Variants in TOX3 observed in about 807,000 individuals in gnomAD.
The protein encoded by TOX3 is CAG trinucleotide repeat-containing gene F9 protein.
Under a neutral mutation model 64.3 loss-of-function variants are expected in TOX3, and 22 were observed. The observed-to-expected ratio is 0.34, with a 90% CI of 0.24 to 0.49. The LOEUF (loss-of-function observed/expected upper bound fraction) is 0.49, where lower values mean the gene tolerates loss of function less well. TOX3 is among the 20% of genes least tolerant of loss of function. The pLI is 0.99. For synonymous variants in TOX3, 291 were observed against 273.6 expected (o/e 1.06, Z -0.63); for missense variants, 661 against 714.4 (o/e 0.93, Z 0.85).
At chr16:52,511,515 G>A (rs1452667866) in intron 1 of TOX3, among the ~76,000 whole-genome samples, 1 of 152,072 alleles carries the variant, frequency 6.6e-6, no homozygotes, top group African/African-American at 2.4e-5. Flanking sequence ...GAAAAGGTAA[G>A]GCCTACTGAA....
At chr16:52,474,225 A>G (rs539295964) in intron 1 of TOX3, among the ~76,000 whole-genome samples, 2 of 152,212 alleles carry the variant, frequency 1.3e-5, no homozygotes, top group South Asian at 4.1e-4. Context: ...AATCATCAGG[A>G]GATTCTGTTG....
chr16:52,454,172 C>T (rs964209944), intron 3 of TOX3, among the ~76,000 whole-genome samples: 1 of 152,026 alleles, frequency 6.6e-6, no homozygotes, highest in Non-Finnish European at 1.5e-5. Context: ...TGCCATCATC[C>T]CCCTTTAACA....
rs1389973669 is a variant in TOX3 at position 52,546,949 on chromosome 16, G to A, written c.-226C>T. The A allele has an allele frequency of 2.0e-6, 2 of 988,690 alleles. No homozygotes were observed. Among genetic ancestry groups the A allele is most frequent in the African/African-American group, 1.8e-5 (1 of 56,698 alleles). 61.2% of individuals were successfully genotyped at this position (988,690 alleles called of 1,614,324 possible). A position where few individuals can be genotyped will look rare whatever the true frequency, so the allele number is the denominator to read the frequency against. On this transcript the variant is annotated 5_prime_UTR_variant, in exon 1 of 7. Transcript: ENST00000219746. ...CGGGAGAGCGGGAGGCGGCCGGGGG[G>A]ACGCGCCCCGCCGGGGCACCGAGGC...
chr16:52,524,058 A>G (rs1374699378), intron 1 of TOX3, among the ~76,000 whole-genome samples: 2 of 152,196 alleles, frequency 1.3e-5, no homozygotes, highest in African/African-American at 2.4e-5. Flanking sequence ...GGCTGTTTGC[A>G]TCTTTCTGCA....
intron 1 of TOX3, among the ~76,000 whole-genome samples, chr16:52,528,603 A>C (rs1486691828): frequency 6.6e-6 from 1 of 152,122 alleles, no homozygotes; most frequent in Admixed American, 6.5e-5. Context: ...CAACTGCTTC[A>C]TATGTGGAGT....
Position 52,546,712 on chromosome 16 carries a change from C to A in TOX3, c.12G>T (p.Arg4Ser), listed in dbSNP as rs1190470930. MDV[R>S]FYPAAAGDPA... ...GGTCCCCGGCCGCCGCGGGGTAGAACCTCACATCCATGCCGAAGCTGGGCC... is the reference window on the plus strand; with the variant it reads ...GGTCCCCGGCCGCCGCGGGGTAGAAACTCACATCCATGCCGAAGCTGGGCC... The change falls in exon 1 of 7, where the codon AGG becomes AGT. Residue 4 changes from arginine (R) to serine (S), a missense_variant. Around this residue, in one of 3 missense-constraint regions of TOX3, gnomAD observed 259 missense variants for 261.2 expected, o/e 0.99. Coordinates refer to ENST00000219746, the MANE Select transcript of TOX3 (RefSeq NM_001080430.4). 2 of 1,529,766 alleles carry A rather than the reference C, an allele frequency of 1.3e-6. No homozygotes were observed. The highest frequency in any genetic ancestry group is 2.8e-5 in the African/African-American group (2 of 71,892). 94.8% of individuals were successfully genotyped at this position (1,529,766 alleles called of 1,614,324 possible).
chr16:52,449,773 C>A (rs1596777977), intron 4 of TOX3, among the ~76,000 whole-genome samples: 1 of 152,342 alleles, frequency 6.6e-6, no homozygotes, highest in South Asian at 2.1e-4. Context: ...AACTTTGTAT[C>A]ATTTCAAATT....
At chr16:52,468,612 A>G in intron 1 of TOX3, 38 bp from the exon 2 acceptor site, 1 of 1,483,584 alleles carries the variant, frequency 6.7e-7, no homozygotes, top group African/African-American at 1.4e-5. Context: ...AATATGCGGC[A>G]TAATAAAGCA....
chr16:52,453,192 T>TC (rs1267594183), intron 3 of TOX3, among the ~76,000 whole-genome samples: 2 of 151,490 alleles, frequency 1.3e-5, no homozygotes, highest in Non-Finnish European at 2.9e-5. Context: ...AGAATGCTTT[T>TC]TTTTTTTTTT....
chr16:52,478,679 A>G (rs934584246), intron 1 of TOX3, among the ~76,000 whole-genome samples: 4 of 152,208 alleles, frequency 2.6e-5, no homozygotes, highest in South Asian at 2.1e-4. Context: ...AGCCAGAAAC[A>G]TCCAAATTCA....
At chr16:52,542,746 T>C (rs930158045) in intron 1 of TOX3, among the ~76,000 whole-genome samples, 4 of 152,194 alleles carry the variant, frequency 2.6e-5, no homozygotes, top group Non-Finnish European at 4.4e-5. Flanking sequence ...AGACCTGTCG[T>C]GATAGGATAC....
At chr16:52,445,610 T>C (rs1364569523) in intron 5 of TOX3, 2 of 172,726 alleles carry the variant, frequency 1.2e-5, no homozygotes, top group African/African-American at 4.8e-5. Flanking sequence ...AGCACAAGGG[T>C]TCAGAAAGAT....
chr16:52,486,110 A>T (rs1358397875), intron 1 of TOX3, among the ~76,000 whole-genome samples: 2 of 152,194 alleles, frequency 1.3e-5, no homozygotes, highest in Non-Finnish European at 2.9e-5. Context: ...TTTGTGAGAC[A>T]CATGGGTGCT....
upstream of TOX3, chr16:52,547,402 C>G (rs2151495243): frequency 6.6e-6 from 1 of 151,128 alleles, no homozygotes; most frequent in East Asian, 2.0e-4. Context: ...CTCTTTGTCC[C>G]CACTGCCTCG....
intron 1 of TOX3, among the ~76,000 whole-genome samples, chr16:52,495,770 C>T (rs2151460986): frequency 6.6e-6 from 1 of 152,280 alleles, no homozygotes; most frequent in African/African-American, 2.4e-5. Flanking sequence ...TAAAATTTCA[C>T]CCAAAATTCA....
intron 1 of TOX3, among the ~76,000 whole-genome samples, chr16:52,474,890 C>A (rs568501334): frequency 6.6e-6 from 1 of 152,246 alleles, no homozygotes; most frequent in East Asian, 1.9e-4. Flanking sequence ...GGCCATCGTC[C>A]TTCCCCTTTC....
At chr16:52,515,193 AAAAAAG>A (rs1555487072) in intron 1 of TOX3, among the ~76,000 whole-genome samples, 7 of 150,888 alleles carry the variant, frequency 4.6e-5, no homozygotes, top group South Asian at 2.1e-4. Context: ...GTTAAAAAAA[AAAAAAG>A]AAAAAGAAAA....
At chr16:52,454,026 A>G (rs546241834) in intron 3 of TOX3, among the ~76,000 whole-genome samples, 1 of 152,302 alleles carries the variant, frequency 6.6e-6, no homozygotes, top group South Asian at 2.1e-4. Flanking sequence ...TCTTAGACAG[A>G]TAAGAATGAT....
chr16:52,524,454 G>C (rs1962679219), intron 1 of TOX3, among the ~76,000 whole-genome samples: 1 of 152,228 alleles, frequency 6.6e-6, no homozygotes, highest in Non-Finnish European at 1.5e-5. Context: ...GTATGGAGCA[G>C]TAAATGCAAA....
Sources: gnomAD v4.1 joint callset for allele counts (sites outside exome capture counted in the v4.1 genomes callset) on GRCh38, gnomAD v4.1.1 for gene constraint, gnomAD v4.1.1 regional missense constraint, MANE v1.5 for transcripts, NCBI Gene and HGNC (gene_info 2026-07-23, HGNC 2026-07-21) for gene names.